EPB41L2: variants seen among roughly 807,000 people sequenced by gnomAD.
The protein encoded by EPB41L2 is erythrocyte membrane protein band 4.1 like 2, also known as band 4.1-like protein 2.
EPB41L2 carries 43 observed loss-of-function variants against 113.0 expected under a neutral mutation model. The observed-to-expected ratio is 0.38, with a 90% CI of 0.30 to 0.49. The LOEUF (loss-of-function observed/expected upper bound fraction) is 0.49, where lower values mean the gene tolerates loss of function less well. EPB41L2 is among the 20% of genes least tolerant of loss of function. The pLI, the probability that EPB41L2 is intolerant of heterozygous loss-of-function variation, is 0.95. For missense variants in EPB41L2, 1,147 were observed against 1,223.4 expected (o/e 0.94, Z 0.93); for synonymous variants, 442 against 436.7 (o/e 1.01, Z -0.15).
chr6:130,849,509 T>C (rs1778131913), intron 19 of EPB41L2, among the ~76,000 whole-genome samples: 1 of 152,168 alleles, frequency 6.6e-6, no homozygotes, highest in South Asian at 2.1e-4. Context: ...TACTAGGCTG[T>C]GTGATAACCG....
At chr6:130,987,371 A>G (rs1780811321) in intron 1 of EPB41L2, among the ~76,000 whole-genome samples, 1 of 152,148 alleles carries the variant, frequency 6.6e-6, no homozygotes, top group Non-Finnish European at 1.5e-5. Context: ...TCCTGGGCCT[A>G]CTGTGGCCAA....
chr6:131,018,210 T>A (rs985746068), intron 1 of EPB41L2, among the ~76,000 whole-genome samples: 1 of 152,142 alleles, frequency 6.6e-6, no homozygotes, highest in Admixed American at 6.5e-5. Flanking sequence ...TCTTTAACAC[T>A]AGCCTCATTT....
At chr6:130,966,496 C>T (rs539713648) in intron 1 of EPB41L2, among the ~76,000 whole-genome samples, 22 of 139,310 alleles carry the variant, frequency 1.6e-4, no homozygotes, top group African/African-American at 3.3e-4. Context: ...ATAAAGGATG[C>T]GAATATGCAT....
chr6:131,004,320 C>T (rs1463956112), intron 1 of EPB41L2, among the ~76,000 whole-genome samples: 1 of 152,096 alleles, frequency 6.6e-6, no homozygotes, highest in Non-Finnish European at 1.5e-5. Flanking sequence ...AAGCTCCAAT[C>T]CTCAATCTGT....
At chr6:130,946,780 T>C (rs1583771522) in intron 3 of EPB41L2, among the ~76,000 whole-genome samples, 1 of 152,154 alleles carries the variant, frequency 6.6e-6, no homozygotes, top group South Asian at 2.1e-4. Context: ...GATGTTCAGA[T>C]GTCAAACAAA....
At chr6:131,004,859 C>T (rs1785124578) in intron 1 of EPB41L2, among the ~76,000 whole-genome samples, 1 of 152,180 alleles carries the variant, frequency 6.6e-6, no homozygotes. Context: ...TCCTGCTTCC[C>T]ACTGCCAGCA....
intron 4 of EPB41L2, among the ~76,000 whole-genome samples, chr6:130,920,532 G>T (rs968834382): frequency 6.6e-6 from 1 of 151,974 alleles, no homozygotes; most frequent in Non-Finnish European, 1.5e-5. Context: ...GTCTTGCTCT[G>T]TCACCTAGGC....
intron 19 of EPB41L2, among the ~76,000 whole-genome samples, chr6:130,857,549 CTTTTTTTTTTTT>C (rs10557309): frequency 4.1e-5 from 3 of 72,846 alleles, no homozygotes; most frequent in African/African-American, 5.8e-5. Flanking sequence ...TCAGATGTAT[CTTTTTTTTTTTT>C]TTTTTTTTTT....
In EPB41L2 at chr6:130,909,846, G is replaced by A. The variant is rs1798814641; in HGVS notation, c.811-983C>T. Among the ~76,000 whole-genome samples the A allele has an allele frequency of 2.0e-5, 3 of 152,150 alleles. No homozygotes were observed. The South Asian group carries it at 6.2e-4, about 32-fold the overall frequency. ...GGAATGTGAAGGACCTCTTCAAGGA[G>A]AACTACAAAGCACTGCACAAGGAAA... On this transcript the variant is annotated intron_variant, in intron 4 of 19. Coordinates refer to ENST00000337057, the MANE Select transcript of EPB41L2 (RefSeq NM_001431.4).
chr6:130,956,610 G>A, intron 1 of EPB41L2, 111 bp from the exon 2 acceptor site: 2 of 943,306 alleles, frequency 2.1e-6, no homozygotes, highest in South Asian at 1.8e-5. Flanking sequence ...CAGATGACAG[G>A]GAGAAAGCAC....
At chr6:130,847,907 A>AG (rs1777521224) in intron 19 of EPB41L2, among the ~76,000 whole-genome samples, 3 of 152,308 alleles carry the variant, frequency 2.0e-5, no homozygotes, top group Non-Finnish European at 2.9e-5. Flanking sequence ...AGTATACTCT[A>AG]TTAGAGCTGA....
At chr6:130,915,927 T>C (rs1423285320) in intron 4 of EPB41L2, among the ~76,000 whole-genome samples, 1 of 152,240 alleles carries the variant, frequency 6.6e-6, no homozygotes, top group African/African-American at 2.4e-5. Context: ...CTCTTTCTTT[T>C]GTAAATTGCC....
intron 1 of EPB41L2, among the ~76,000 whole-genome samples, chr6:130,984,133 T>C (rs940502366): frequency 1.3e-5 from 2 of 152,198 alleles, no homozygotes; most frequent in Admixed American, 6.5e-5. Flanking sequence ...ATCACTGTCT[T>C]CCACCTCCAT....
chr6:130,955,955 A>G, intron 2 of EPB41L2, 39 bp downstream of exon 2: 2 of 1,581,520 alleles, frequency 1.3e-6, no homozygotes, highest in Non-Finnish European at 1.7e-6. Context: ...TGGTTACGCT[A>G]TCAGGTTTTC....
chr6:130,905,801 T>A (rs539937461), intron 5 of EPB41L2, among the ~76,000 whole-genome samples: 23 of 152,184 alleles, frequency 1.5e-4, no homozygotes, highest in Non-Finnish European at 2.9e-4. Flanking sequence ...TTGAATCCCA[T>A]TCTCTTGTTC....
chr6:130,853,561 T>G (rs928007090), intron 19 of EPB41L2, among the ~76,000 whole-genome samples: 1 of 152,098 alleles, frequency 6.6e-6, no homozygotes, highest in African/African-American at 2.4e-5. Flanking sequence ...TCATCTGAAG[T>G]GTGTTTTCTT....
rs531015187 is a variant in EPB41L2, at chr6:130,959,017, G to T, written c.-14-2518C>A. On this transcript the variant is annotated intron_variant, in intron 1 of 19. Transcript: ENST00000337057. ...GTTGATCCAGACCTGAGAAGACGAT[G>T]GTCTATATATACTACAGCAGAAACA... is the stretch of plus-strand genomic sequence containing the variant. Among the ~76,000 whole-genome samples the T allele has an allele frequency of 3.9e-5, 6 of 152,230 alleles. No individual in the cohort carries two copies. The South Asian group carries it at 1.2e-3, about 32-fold the overall frequency.
chr6:130,893,062 A>C (rs1275433242), intron 10 of EPB41L2, among the ~76,000 whole-genome samples: 1 of 152,232 alleles, frequency 6.6e-6, no homozygotes, highest in African/African-American at 2.4e-5. Flanking sequence ...ACATGTAAAA[A>C]ACATGTCCTT....
intron 5 of EPB41L2, among the ~76,000 whole-genome samples, chr6:130,907,565 A>G (rs565860801): frequency 6.7e-6 from 1 of 148,390 alleles, no homozygotes; most frequent in South Asian, 2.1e-4. Context: ...TGGGCAAATC[A>G]GGAGGTTGGT....
Sources: allele counts gnomAD v4.1 joint callset (sites outside exome capture counted in the v4.1 genomes callset), GRCh38; gene constraint gnomAD v4.1.1; transcripts MANE v1.5; gene names NCBI Gene and HGNC (gene_info 2026-07-23, HGNC 2026-07-21).